Variants in CALM2 observed in about 807,000 individuals in gnomAD.
CALM2 encodes calmodulin 2.
CALM2 carries 2 observed loss-of-function variants against 19.8 expected under a neutral mutation model. That is an observed-to-expected ratio of 0.10 (90% CI 0.04 to 0.32). The LOEUF (loss-of-function observed/expected upper bound fraction) is 0.32, where lower values mean the gene tolerates loss of function less well. Among genes scored for constraint, CALM2 ranks in the 10% least tolerant of loss-of-function variants. The pLI, the probability that CALM2 is intolerant of heterozygous loss-of-function variation, is 1.00. For synonymous variants in CALM2, 51 were observed against 52.1 expected (o/e 0.98, Z 0.09); for missense variants, 38 against 178.7 (o/e 0.21, Z 4.49).
chr2:47,166,714 G>A (rs977475909), intron 2 of CALM2, among the ~76,000 whole-genome samples: 6 of 152,056 alleles, frequency 3.9e-5, no homozygotes, highest in Admixed American at 3.9e-4. Context: ...CTGTACTTCA[G>A]AACTAGCGTA....
At chr2:47,173,880 T>C (rs960460694) in intron 1 of CALM2, 5 of 152,200 alleles carry the variant, frequency 3.3e-5, no homozygotes, top group Admixed American at 6.5e-5. Context: ...TTCTGAAGAA[T>C]AGTACTTACA....
intron 5 of CALM2, among the ~76,000 whole-genome samples, chr2:47,161,344 C>A (rs938944759): frequency 1.3e-5 from 2 of 152,032 alleles, no homozygotes; most frequent in African/African-American, 4.8e-5. Context: ...CAATACAGTG[C>A]GGGGAAAGAA....
rs991013889 is a variant in CALM2 at position 47,170,630 on chromosome 2, C to T, written c.34+104G>A. The T allele has an allele frequency of 8.0e-5, 72 of 900,042 alleles. No homozygotes were observed. The East Asian group carries it at 1.7e-3, about 21-fold the overall frequency. The allele number at this position is 900,042 out of a possible 1,614,324, so 55.8% of individuals were successfully genotyped here. A position where few individuals can be genotyped will look rare whatever the true frequency, so the allele number is the denominator to read the frequency against. On this transcript the variant is annotated intron_variant, in intron 2 of 5. Transcript: ENST00000272298. ...TATACCCATATGTTAGTATCCATGACATATACCAAAGTCAATTATTTCATA... is the reference window on the plus strand; with the variant it reads ...TATACCCATATGTTAGTATCCATGATATATACCAAAGTCAATTATTTCATA...
rs1687118076 is a variant in CALM2 at position 47,160,387 on chromosome 2, T to C, written c.*389A>G. On this transcript the variant is annotated 3_prime_UTR_variant, in exon 6 of 6. Transcript: ENST00000272298. ...CAATAGTGCAACTTTTAAGTACATA[T>C]TGTTGACTGTCCATAGTCCACGCAG... 6.1e-6 allele frequency: 1 copy of C among 164,976 alleles called. No individual in the cohort carries two copies. The highest frequency in any genetic ancestry group is 2.4e-5 in the African/African-American group (1 of 42,004). The allele number at this position is 164,976 out of a possible 1,614,324, so 10.2% of individuals were successfully genotyped here.
chr2:47,166,499 G>A (rs553785227), intron 2 of CALM2, among the ~76,000 whole-genome samples: 51 of 152,210 alleles, frequency 3.4e-4, no homozygotes, highest in African/African-American at 1.2e-3. Context: ...GCTAGAATAA[G>A]TAAAATGCAG....
At chr2:47,167,798 A>AT (rs1666532020) in intron 2 of CALM2, 1 of 22,444 alleles carries the variant, frequency 4.5e-5, no homozygotes, top group African/African-American at 2.0e-4. Flanking sequence ...AAAAAAAAAA[A>AT]ATTTTTTTTT....
chr2:47,170,666 A>G, intron 2 of CALM2, 68 bp downstream of exon 2: 1 of 1,165,228 alleles, frequency 8.6e-7, no homozygotes, highest in Non-Finnish European at 1.3e-6. Context: ...CAAGTCTCTT[A>G]TTCTGACGTT....
intron 4 of CALM2, 131 bp from the exon 5 acceptor site, chr2:47,161,989 C>T: frequency 1.3e-6 from 1 of 746,698 alleles, no homozygotes; most frequent in South Asian, 1.8e-5. Context: ...CAAATCTACA[C>T]AGTTGACCTA....
chr2:47,176,831 T>C (rs1447831763), upstream of CALM2: 16 of 985,310 alleles, frequency 1.6e-5, no homozygotes, highest in Non-Finnish European at 1.9e-5. Flanking sequence ...AGCCTGCCTC[T>C]GATTGGCTGG....
chr2:47,172,972 A>T (rs914360160), intron 1 of CALM2: 1 of 152,242 alleles, frequency 6.6e-6, no homozygotes, highest in Non-Finnish European at 1.5e-5. Flanking sequence ...CTAACTCCCT[A>T]CCTCCAAGCA....
intron 5 of CALM2, among the ~76,000 whole-genome samples, chr2:47,161,347 G>A (rs1414189664): frequency 2.0e-5 from 3 of 152,042 alleles, no homozygotes; most frequent in Non-Finnish European, 4.4e-5. Flanking sequence ...TACAGTGCGG[G>A]GAAAGAAAGT....
Position 47,162,331 on chromosome 2 carries a change from T to A in CALM2, c.240A>T (p.Thr80=), listed in dbSNP as rs77653008. 1,199 of 1,612,768 alleles carry A rather than the reference T, an allele frequency of 7.4e-4. 8 individuals carry two copies. The African/African-American group carries it at 0.014, about 19-fold the overall frequency. The change falls in exon 4 of 6, where the codon ACA becomes ACT. Residue 80 remains threonine, a synonymous_variant. Transcript: ENST00000272298. ...LTMMARKMKD[T]DSEEEIREAF... ...CTTCTCTAATTTCTTCTTCACTGTC[T>A]GTGTCTTTCATTTTTCTTGCCATCA...
upstream of CALM2, chr2:47,176,758 A>C (rs1666887745): frequency 1.0e-6 from 1 of 985,268 alleles, no homozygotes; most frequent in Non-Finnish European, 1.2e-6. Context: ...GCGGCCCCTG[A>C]GGGGCGCTAC....
chr2:47,169,927 C>G (rs1287823271), intron 2 of CALM2, among the ~76,000 whole-genome samples: 1 of 137,620 alleles, frequency 7.3e-6, no homozygotes, highest in Admixed American at 7.4e-5. Flanking sequence ...CTAATGAAAA[C>G]AAAGGAATAG....
intron 1 of CALM2, 29 bp from the exon 2 acceptor site, chr2:47,170,793 T>C: frequency 2.5e-6 from 4 of 1,601,770 alleles, no homozygotes; most frequent in Non-Finnish European, 3.4e-6. Context: ...GGAAGGTTAG[T>C]GACTTGAGAG....
At chr2:47,172,170 G>A (rs1231202136) in intron 1 of CALM2, 1 of 208,978 alleles carries the variant, frequency 4.8e-6, no homozygotes. Context: ...TTAAAATCCA[G>A]TAAATCTGAG....
At chr2:47,174,576 T>C (rs1379645039) in intron 1 of CALM2, among the ~76,000 whole-genome samples, 1 of 152,074 alleles carries the variant, frequency 6.6e-6, no homozygotes, top group Non-Finnish European at 1.5e-5. Context: ...TAGTAAGAGC[T>C]GTCAATTTAA....
At chr2:47,162,171 C>CAAAAAAAAAAAAAAAAAAAAAA (rs56839340) in intron 4 of CALM2, 115 bp downstream of exon 4, 6 of 130,112 alleles carry the variant, frequency 4.6e-5, no homozygotes, top group African/African-American at 1.2e-4. Flanking sequence ...GGTAAATCAT[C>CAAAAAAAAAAAAAAAAAAAAAA]AAAAAAAAAA....
At chr2:47,167,365 T>G (rs1484608723) in intron 2 of CALM2, 1 of 152,312 alleles carries the variant, frequency 6.6e-6, no homozygotes, top group East Asian at 1.9e-4. Context: ...AGTGATGTCA[T>G]ACTAGACTGG....
Sources: gnomAD v4.1 joint callset for allele counts (sites outside exome capture counted in the v4.1 genomes callset) on GRCh38, gnomAD v4.1.1 for gene constraint, MANE v1.5 for transcripts, NCBI Gene and HGNC (gene_info 2026-07-23, HGNC 2026-07-21) for gene names.